ZNF790: variants seen among roughly 807,000 people sequenced by gnomAD.
The protein encoded by ZNF790 is zinc finger protein 790.
A neutral mutation model predicts 12.1 loss-of-function variants in ZNF790; 8 were observed. The ratio of observed to expected loss-of-function variants is 0.66; its 90% CI spans 0.39 to 1.19. The LOEUF is 1.19. Ranked by LOEUF, ZNF790 falls within the 50% of genes most tolerant of loss-of-function variation. The pLI, the probability that ZNF790 is intolerant of heterozygous loss-of-function variation, is 0.01. For synonymous variants in ZNF790, 252 were observed against 244.3 expected, an observed-to-expected ratio of 1.03 and a Z score of -0.29; for missense variants, 707 against 752.2, an observed-to-expected ratio of 0.94 and a Z score of 0.70.
At chr19:36,829,809 C>T (rs182735761) in intron 1 of ZNF790, among the ~76,000 whole-genome samples, 44 of 152,214 alleles carry the variant, frequency 2.9e-4, no homozygotes, top group African/African-American at 9.2e-4. Context: ...TCAGGTGATC[C>T]GCCCGCCTCG....
upstream of ZNF790, among the ~76,000 whole-genome samples, chr19:36,843,081 GT>G (rs1363899786): frequency 6.6e-6 from 1 of 152,056 alleles, no homozygotes; most frequent in Non-Finnish European, 1.5e-5. Flanking sequence ...TAGATTGTAG[GT>G]AATCACAGAC....
intron 1 of ZNF790, among the ~76,000 whole-genome samples, chr19:36,832,568 G>A (rs552198789): frequency 2.0e-5 from 3 of 152,106 alleles, no homozygotes; most frequent in Admixed American, 6.6e-5. Flanking sequence ...TGAGAGCCAC[G>A]TTGGAAGGTG....
rs148371564 is a variant in ZNF790 at position 36,838,325 on chromosome 19, G to T, written c.-74+12C>A. The T allele has an allele frequency of 4.1e-3, 628 of 152,492 alleles. 4 individuals are homozygous for T. The highest frequency in any genetic ancestry group is 0.025 in the South Asian group (122 of 4,828). The allele number at this position is 152,492 out of a possible 1,614,324, so 9.4% of individuals were successfully genotyped here. A position where few individuals can be genotyped will look rare whatever the true frequency, so the allele number is the denominator to read the frequency against. On this transcript the variant is annotated intron_variant, in intron 1 of 4. Transcript: ENST00000356725. The surrounding 1 kb of genome is among the most constrained non-coding windows in gnomAD (Gnocchi z 4.4). Reference sequence around the variant, plus strand: ...CGGAGTCATTCGGCTTCTGTGTCTCGGAATCACTCACCCGGCCCTGCGGTC... The same window carrying T: ...CGGAGTCATTCGGCTTCTGTGTCTCTGAATCACTCACCCGGCCCTGCGGTC...
intron 1 of ZNF790, among the ~76,000 whole-genome samples, chr19:36,835,710 T>C (rs1227588): frequency 0.26 from 39,215 of 151,724 alleles, 5,496 homozygotes; most frequent in Non-Finnish European, 0.32. Context: ...GCTGTGTTCC[T>C]TTCTGGAAGC....
chr19:36,819,737 A>T lies in ZNF790; in HGVS notation c.607T>A (p.Cys203Ser). The T allele has an allele frequency of 8.1e-6, 13 of 1,613,822 alleles. No homozygotes were observed. The highest frequency in any genetic ancestry group is 1.1e-5 in the Non-Finnish European group (13 of 1,179,846). The change falls in exon 5 of 5, where the codon TGT becomes AGT. Residue 203 changes from cysteine to serine, a missense_variant. Transcript: ENST00000356725. ...GAATCAGGAAGAAAGGTATTCCCACATTCTTTATCTCCACAGAATTTCTCA... is the reference window on the plus strand; with the variant it reads ...GAATCAGGAAGAAAGGTATTCCCACTTTCTTTATCTCCACAGAATTTCTCA... ...TSEKFCGDKE[C>S]GNTFLPDSEV...
intron 1 of ZNF790, among the ~76,000 whole-genome samples, chr19:36,830,218 A>G (rs532313477): frequency 6.6e-6 from 1 of 152,232 alleles, no homozygotes; most frequent in East Asian, 1.9e-4. Context: ...CCTAGTTTGT[A>G]GAATGTGTAT....
At chr19:36,826,887 G>A (rs188872320) in intron 1 of ZNF790, among the ~76,000 whole-genome samples, 234 of 149,988 alleles carry the variant, frequency 1.6e-3, no homozygotes, top group African/African-American at 5.6e-3. Flanking sequence ...TGACTCTTGA[G>A]GGGCTGTTCT....
Position 36,818,868 on chromosome 19 carries a change from T to G in ZNF790, c.1476A>C (p.Glu492Asp), listed in dbSNP as rs1274531323. 6.2e-7 allele frequency: 1 copy of G among 1,613,688 alleles called. No homozygotes were observed. The highest frequency in any genetic ancestry group is 8.5e-7 in the Non-Finnish European group (1 of 1,179,910). ...ECGKTFFRGS[E>D]LNRHQKIHTG... ...TATGAATTTTCTGGTGTCGATTAAG[T>G]TCTGAACCACGAAAAAAGGTCTTTC... is the stretch of plus-strand genomic sequence containing the variant. Residue 492 changes from glutamate (E) to aspartate (D), a missense_variant, in exon 5 of 5, where the codon GAA becomes GAC. Transcript: ENST00000356725.
At chr19:36,829,873 T>C (rs1389533724) in intron 1 of ZNF790, among the ~76,000 whole-genome samples, 1 of 152,190 alleles carries the variant, frequency 6.6e-6, no homozygotes, top group South Asian at 2.1e-4. Context: ...GGCTGACAAT[T>C]ATTTTTAAAA....
chr19:36,829,663 G>A (rs2071906730), intron 1 of ZNF790, among the ~76,000 whole-genome samples: 1 of 152,158 alleles, frequency 6.6e-6, no homozygotes, highest in Non-Finnish European at 1.5e-5. Context: ...CACCTCTGGG[G>A]TTCAAGTGAC....
At position 36,820,004 on chromosome 19, in the gene ZNF790, AG is replaced by A; in HGVS notation, c.339del (p.Cys114ValfsTer28). 2 of 1,614,042 alleles carry A rather than the reference AG, an allele frequency of 1.2e-6. No homozygotes were observed. Among genetic ancestry groups the A allele is most frequent in the Non-Finnish European group, 1.7e-6 (2 of 1,180,018 alleles). On this transcript the variant is annotated frameshift_variant, in exon 5 of 5. Coordinates refer to ENST00000356725, the MANE Select transcript of ZNF790 (RefSeq NM_206894.4). LOFTEE classifies it low-confidence loss of function (END_TRUNC). Reference protein sequence around the residue: ...IMRICKNHSLDCLCFRGDWEG... With the variant: ...IMRICKNHSLXCLCFRGDWEG... ...TCCCAGTCACCTCTAAAACATAAAC[AG>A]TCAAGGCTGTGGTTTTTACAAATTC... is the stretch of plus-strand genomic sequence containing the variant.
At chr19:36,829,874 A>G (rs767239530) in intron 1 of ZNF790, among the ~76,000 whole-genome samples, 2 of 152,144 alleles carry the variant, frequency 1.3e-5, no homozygotes, top group African/African-American at 2.4e-5. Context: ...GCTGACAATT[A>G]TTTTTAAAAT....
At chr19:36,826,302 T>C (rs1165761728) in intron 1 of ZNF790, among the ~76,000 whole-genome samples, 1 of 151,988 alleles carries the variant, frequency 6.6e-6, no homozygotes, top group Non-Finnish European at 1.5e-5. Flanking sequence ...AAAAAATATA[T>C]TGGCCGGGCG....
At position 36,818,961 on chromosome 19, in the gene ZNF790, A is replaced by T. The variant is rs2071603554; in HGVS notation, c.1383T>A (p.His461Gln). Reference sequence around the variant, plus strand: ...TCTGATGTCGATTAAACTCTGAGCCATGAAGAAAGGTCTTTCCACATTCCT... The same window carrying T: ...TCTGATGTCGATTAAACTCTGAGCCTTGAAGAAAGGTCTTTCCACATTCCT... ...ECKECGKTFL[H>Q]GSEFNRHQKI... The change falls in exon 5 of 5, where the codon CAT (histidine) becomes CAA (glutamine). Residue 461 changes from histidine to glutamine, a missense_variant. Physicochemically the swap from His to Gln is conservative, Grantham distance 24. Transcript: ENST00000356725. The T allele has an allele frequency of 1.2e-6, 2 of 1,610,704 alleles. No individual in the cohort carries two copies. Among genetic ancestry groups the T allele is most frequent in the African/African-American group, 2.7e-5 (2 of 74,816 alleles).
chr19:36,818,322 A>T lies in ZNF790; in HGVS notation c.*111T>A. On this transcript the variant is annotated 3_prime_UTR_variant, in exon 5 of 5. Transcript: ENST00000356725. ...GCTGCTGCTGGATGTGTGCTCTGTT[A>T]AAATGCCTTCCAATATTACTTACAT... 9.1e-7 allele frequency: 1 copy of T among 1,097,086 alleles called. No individual in the cohort carries two copies. The highest frequency in any genetic ancestry group is 1.3e-6 in the Non-Finnish European group (1 of 799,744). The allele number at this position is 1,097,086 out of a possible 1,614,324, so 68.0% of individuals were successfully genotyped here. A position where few individuals can be genotyped will look rare whatever the true frequency, so the allele number is the denominator to read the frequency against.
chr19:36,844,979 C>T (rs2072164683), intron 1 of ZNF790, among the ~76,000 whole-genome samples: 1 of 118,692 alleles, frequency 8.4e-6, no homozygotes, highest in African/African-American at 3.2e-5. Context: ...ACCCGGGAGG[C>T]GGAGCTTGCA....
At position 36,827,141 on chromosome 19, in the gene ZNF790, C is replaced by CACACACACACACATATATATAT. The variant is rs1313807327; in HGVS notation, c.-73-1450_-73-1449insATATATATATGTGTGTGTGTGT. ...ATACACACACACACACACACACACACATATATATATATATATATATATATA... is the reference window on the plus strand; with the variant it reads ...ATACACACACACACACACACACACACACACACACACACATATATATATATATATATATATATATATATATATA... On this transcript the variant is annotated intron_variant, in intron 1 of 4. Transcript: ENST00000356725. 1.3e-4 allele frequency among the ~76,000 whole-genome samples: 11 copies of CACACACACACACATATATATAT among 84,436 alleles called. No homozygotes were observed. The Admixed American group carries it at 1.4e-3, about 11-fold the overall frequency. 55.4% of individuals were successfully genotyped at this position (84,436 alleles called of 152,430 possible).
intron 1 of ZNF790, chr19:36,827,734 G>A (rs368874321): frequency 6.6e-6 from 1 of 152,302 alleles, no homozygotes; most frequent in Admixed American, 6.5e-5. Context: ...AGATATTTTT[G>A]TGCATTCAAG....
At chr19:36,846,909 T>C (rs1428023598) in intron 1 of ZNF790, among the ~76,000 whole-genome samples, 2 of 152,220 alleles carry the variant, frequency 1.3e-5, no homozygotes, top group Non-Finnish European at 2.9e-5. Context: ...GAGCACAGCT[T>C]ACATATGCAA....
Sources: gnomAD v4.1 joint callset for allele counts (sites outside exome capture counted in the v4.1 genomes callset) on GRCh38, gnomAD v4.1.1 for gene constraint, Gnocchi (gnomAD v3.1) non-coding constraint, MANE v1.5 for transcripts, NCBI Gene and HGNC (gene_info 2026-07-23, HGNC 2026-07-21) for gene names.